SMARCC1: variants seen among roughly 807,000 people sequenced by gnomAD.
SMARCC1 encodes SWI/SNF related BAF chromatin remodeling complex subunit C1.
In SMARCC1, 43 loss-of-function variants were observed where a neutral mutation model predicts 147.4. The ratio of observed to expected loss-of-function variants is 0.29; its 90% CI spans 0.23 to 0.38. SMARCC1 has a LOEUF of 0.38. SMARCC1 is among the 10% of genes least tolerant of loss of function. The pLI is 1.00. For synonymous variants in SMARCC1, 495 were observed against 484.4 expected (o/e 1.02, Z -0.29); for missense variants, 1,119 against 1,381.1 (o/e 0.81, Z 3.01).
At chr3:47,710,645 A>G in intron 9 of SMARCC1, 38 bp downstream of exon 9, 1 of 1,603,698 alleles carries the variant, frequency 6.2e-7, no homozygotes, top group Non-Finnish European at 8.5e-7. Context: ...GGCCAAGAAG[A>G]CAGACTTAAT....
At chr3:47,739,503 T>C (rs1406048584) in intron 3 of SMARCC1, among the ~76,000 whole-genome samples, 1 of 152,052 alleles carries the variant, frequency 6.6e-6, no homozygotes, top group Non-Finnish European at 1.5e-5. Context: ...TGTTCTTTAT[T>C]TTTATTTTTG....
intron 9 of SMARCC1, among the ~76,000 whole-genome samples, chr3:47,710,266 C>T (rs1333978382): frequency 6.6e-6 from 1 of 152,040 alleles, no homozygotes; most frequent in Non-Finnish European, 1.5e-5. Flanking sequence ...TGCAGTGAGC[C>T]GAGATAGTGC....
chr3:47,761,820 T>C (rs1216734513), intron 2 of SMARCC1, among the ~76,000 whole-genome samples: 1 of 152,222 alleles, frequency 6.6e-6, no homozygotes, highest in African/African-American at 2.4e-5. Context: ...TTCATTTTTT[T>C]CTTTTTGAGA....
At chr3:47,673,878 G>A (rs920722406) in intron 18 of SMARCC1, among the ~76,000 whole-genome samples, 1 of 152,136 alleles carries the variant, frequency 6.6e-6, no homozygotes, top group African/African-American at 2.4e-5. Context: ...TCTGACTTCT[G>A]TAACCATAGG....
chr3:47,755,329 T>C (rs563638372), intron 2 of SMARCC1, among the ~76,000 whole-genome samples: 24 of 147,986 alleles, frequency 1.6e-4, no homozygotes, highest in African/African-American at 6.0e-4. Flanking sequence ...GGTGAAACCC[T>C]GTCTAAAAAA....
intron 2 of SMARCC1, among the ~76,000 whole-genome samples, chr3:47,747,738 T>C (rs1026640210): frequency 6.6e-6 from 1 of 151,992 alleles, no homozygotes; most frequent in African/African-American, 2.4e-5. Flanking sequence ...AAGGGAGGAC[T>C]GCTTGAAGCC....
chr3:47,697,429 T>TA (rs2033867294), intron 11 of SMARCC1, among the ~76,000 whole-genome samples: 3 of 151,274 alleles, frequency 2.0e-5, no homozygotes, highest in Admixed American at 2.0e-4. Flanking sequence ...GCCTCCCGAG[T>TA]AGCCTGGGAC....
chr3:47,726,189 T>A (rs1431883222), intron 6 of SMARCC1, among the ~76,000 whole-genome samples: 1 of 150,442 alleles, frequency 6.6e-6, no homozygotes, highest in Non-Finnish European at 1.5e-5. Flanking sequence ...ATACCAGGAG[T>A]TCAACACCAG....
rs1474685304 is a variant in SMARCC1, at chr3:47,586,406, A to G, written c.*1803T>C. ...TCTTTCTGGAGCCAAATGCATTGGA[A>G]CTAAGCTCCAGTAGGAATAAACTCA... On this transcript the variant is annotated 3_prime_UTR_variant, in exon 28 of 28. Transcript: ENST00000254480. 1 of 152,320 alleles carries G rather than the reference A, an allele frequency of 6.6e-6. No homozygotes were observed. The highest frequency in any genetic ancestry group is 6.5e-5 in the Admixed American group (1 of 15,288). 9.4% of individuals were successfully genotyped at this position (152,320 alleles called of 1,614,324 possible).
intron 14 of SMARCC1, among the ~76,000 whole-genome samples, chr3:47,682,662 A>T (rs1364728023): frequency 6.6e-6 from 1 of 152,224 alleles, no homozygotes; most frequent in Non-Finnish European, 1.5e-5. Context: ...AGAACAACTC[A>T]CTATTTTGGA....
chr3:47,600,670 T>C (rs892165843), intron 26 of SMARCC1, among the ~76,000 whole-genome samples: 2 of 152,110 alleles, frequency 1.3e-5, no homozygotes, highest in African/African-American at 4.8e-5. Context: ...TTAGAAAAGG[T>C]AACTTCCAAG....
rs1480606916 is a variant in SMARCC1 at position 47,686,137 on chromosome 3, G to T, written c.1297C>A (p.Arg433=). ...TTATCTTCCCCAAGGTCAACTGATCGACTCTGATCACCTTTGGCAGGATCT... is the reference window on the plus strand; with the variant it reads ...TTATCTTCCCCAAGGTCAACTGATCTACTCTGATCACCTTTGGCAGGATCT... The part of the protein sequence containing the change: ...DEDPAKGDQS[R]SVDLGEDNVT... The change falls in exon 14 of 28, where the codon CGA becomes AGA. Residue 433 remains arginine, a synonymous_variant. Transcript: ENST00000254480. 3.7e-6 allele frequency: 6 copies of T among 1,610,926 alleles called. No individual in the cohort carries two copies. The highest frequency in any genetic ancestry group is 5.1e-6 in the Non-Finnish European group (6 of 1,177,392).
chr3:47,640,331 G>A (rs2033032006), intron 21 of SMARCC1, among the ~76,000 whole-genome samples: 1 of 151,830 alleles, frequency 6.6e-6, no homozygotes, highest in Non-Finnish European at 1.5e-5. Flanking sequence ...TTCAAATGAT[G>A]AATAAAAATG....
intron 25 of SMARCC1, among the ~76,000 whole-genome samples, chr3:47,618,686 G>GCA (rs1431675637): frequency 5.9e-5 from 9 of 152,156 alleles, no homozygotes; most frequent in Non-Finnish European, 1.0e-4. Flanking sequence ...GTGTCTGGGG[G>GCA]CCAGTAGACA....
intron 21 of SMARCC1, among the ~76,000 whole-genome samples, chr3:47,660,425 G>A (rs55736379): frequency 0.021 from 2,723 of 132,366 alleles, 96 homozygotes; most frequent in African/African-American, 0.078. Flanking sequence ...CAGCCTGGGC[G>A]ACAGAGCAAG....
chr3:47,620,144 T>C (rs1448034856), intron 25 of SMARCC1, among the ~76,000 whole-genome samples: 1 of 152,130 alleles, frequency 6.6e-6, no homozygotes, highest in Non-Finnish European at 1.5e-5. Context: ...AGTCACTAAT[T>C]CTTTATCTAG....
chr3:47,630,259 C>T (rs1237292586), intron 24 of SMARCC1, among the ~76,000 whole-genome samples: 1 of 152,214 alleles, frequency 6.6e-6, no homozygotes, highest in East Asian at 1.9e-4. Context: ...AAGCACACAA[C>T]CTAGATCCCT....
intron 26 of SMARCC1, among the ~76,000 whole-genome samples, chr3:47,606,693 T>A (rs1559624152): frequency 6.6e-6 from 1 of 151,998 alleles, no homozygotes; most frequent in Non-Finnish European, 1.5e-5. Context: ...GAAACTGAAT[T>A]TTTATTTATT....
At chr3:47,607,164 G>C (rs990744415) in intron 26 of SMARCC1, among the ~76,000 whole-genome samples, 1 of 152,158 alleles carries the variant, frequency 6.6e-6, no homozygotes, top group Non-Finnish European at 1.5e-5. Flanking sequence ...ACAGAAATAA[G>C]ACTGAGAAAG....
Sources: gnomAD v4.1 joint callset for allele counts (sites outside exome capture counted in the v4.1 genomes callset) on GRCh38, gnomAD v4.1.1 for gene constraint, MANE v1.5 for transcripts, NCBI Gene and HGNC (gene_info 2026-07-23, HGNC 2026-07-21) for gene names.